The following FNDC3A variants were observed in gnomAD, a reference collection of about 807,000 sequenced individuals.
The protein encoded by FNDC3A is fibronectin type-III domain-containing protein 3A.
Under a neutral mutation model 148.9 loss-of-function variants are expected in FNDC3A, and 32 were observed. The ratio of observed to expected loss-of-function variants is 0.21; its 90% CI spans 0.16 to 0.29. The LOEUF (loss-of-function observed/expected upper bound fraction) is 0.29, where lower values mean the gene tolerates loss of function less well. FNDC3A is among the 10% of genes least tolerant of loss of function. FNDC3A has a pLI of 1.00. For synonymous variants in FNDC3A, 472 were observed against 473.6 expected (o/e 1.00, Z 0.04); for missense variants, 1,191 against 1,452.8 (o/e 0.82, Z 2.93).
At chr13:49,187,033 C>T in intron 15 of FNDC3A, 89 bp from the exon 16 acceptor site, 3 of 863,032 alleles carry the variant, frequency 3.5e-6, no homozygotes, top group Non-Finnish European at 3.6e-6. Flanking sequence ...TTTTTTTAAA[C>T]CTAGTTTGGT....
chr13:49,034,975 A>G (rs1016296217), intron 2 of FNDC3A, among the ~76,000 whole-genome samples: 4 of 152,072 alleles, frequency 2.6e-5, no homozygotes, highest in Non-Finnish European at 5.9e-5. Flanking sequence ...TTTGAATATC[A>G]GTTTTTAAAG....
chr13:49,190,988 G>C, intron 17 of FNDC3A, 27 bp from the exon 18 acceptor site: 1 of 1,543,212 alleles, frequency 6.5e-7, no homozygotes, highest in Non-Finnish European at 8.8e-7. Context: ...GGGCATTTTT[G>C]TTTTCTTTTT....
chr13:49,137,347 T>G (rs1362065769), intron 6 of FNDC3A, among the ~76,000 whole-genome samples: 1 of 151,898 alleles, frequency 6.6e-6, no homozygotes, highest in African/African-American at 2.4e-5. Context: ...TGGTTTTTGT[T>G]TGTTTGTTTG....
intron 2 of FNDC3A, among the ~76,000 whole-genome samples, chr13:49,039,378 A>G (rs561184350): frequency 5.9e-5 from 9 of 152,302 alleles, no homozygotes; most frequent in African/African-American, 1.9e-4. Context: ...CTGTTTGTTT[A>G]GAGGTTCCCG....
At position 49,127,420 on chromosome 13, in the gene FNDC3A, C is replaced by T. The variant is rs74072717; in HGVS notation, c.253-3717C>T. On this transcript the variant is annotated intron_variant, in intron 4 of 25. Coordinates refer to ENST00000492622, the MANE Select transcript of FNDC3A (RefSeq NM_001079673.2). ...CTTACTTTCTCACTTAAACCCACTG[C>T]AGTTGGGCTTTGACCCTATGACTAT... is the stretch of plus-strand genomic sequence containing the variant. 1.4e-3 allele frequency among the ~76,000 whole-genome samples: 212 copies of T among 152,310 alleles called. 1 individual carries two copies. Among genetic ancestry groups the T allele is most frequent in the African/African-American group, 4.7e-3 (197 of 41,564 alleles).
chr13:49,177,394 A>C (rs1885084633), intron 13 of FNDC3A, among the ~76,000 whole-genome samples: 1 of 152,184 alleles, frequency 6.6e-6, no homozygotes, highest in Non-Finnish European at 1.5e-5. Context: ...GTTACACATC[A>C]CTGACATCCT....
chr13:49,009,066 A>G (rs1482573369), intron 2 of FNDC3A, among the ~76,000 whole-genome samples: 1 of 152,188 alleles, frequency 6.6e-6, no homozygotes, highest in Non-Finnish European at 1.5e-5. Flanking sequence ...GTAATGTCAT[A>G]TATCATTACA....
chr13:49,106,773 C>CAAAAAAAAAAAAAAAAAA (rs543962565), intron 3 of FNDC3A, among the ~76,000 whole-genome samples: 11 of 79,854 alleles, frequency 1.4e-4, no homozygotes, highest in African/African-American at 2.6e-4. Flanking sequence ...TGAATGAAAG[C>CAAAAAAAAAAAAAAAAAA]AAAAAAAAAA....
intron 10 of FNDC3A, 87 bp downstream of exon 10, chr13:49,168,838 CAAAG>C: frequency 1.6e-6 from 2 of 1,234,084 alleles, no homozygotes. Context: ...TTGCTGGAGA[CAAAG>C]AGCTTTAATT....
chr13:49,062,744 C>T (rs1455853407), intron 2 of FNDC3A, among the ~76,000 whole-genome samples: 1 of 152,192 alleles, frequency 6.6e-6, no homozygotes, highest in East Asian at 1.9e-4. Context: ...ACTTGTTACA[C>T]TATAAGTTAA....
chr13:49,024,478 A>C (rs1873555416), intron 2 of FNDC3A, among the ~76,000 whole-genome samples: 1 of 152,028 alleles, frequency 6.6e-6, no homozygotes, highest in Non-Finnish European at 1.5e-5. Context: ...AATCCTCAAC[A>C]AAATACTATG....
intron 6 of FNDC3A, among the ~76,000 whole-genome samples, chr13:49,136,907 G>T (rs1349270077): frequency 2.6e-5 from 4 of 151,850 alleles, no homozygotes; most frequent in African/African-American, 9.7e-5. Context: ...TTGAGACAGG[G>T]TCTTGCTTTG....
chr13:49,166,174 T>C (rs1315693641), intron 8 of FNDC3A, among the ~76,000 whole-genome samples: 1 of 152,190 alleles, frequency 6.6e-6, no homozygotes, highest in East Asian at 1.9e-4. Flanking sequence ...GCAACAGCTA[T>C]ATGCAGGCTG....
At position 49,178,712 on chromosome 13, in the gene FNDC3A, T is replaced by C. The variant is rs985854895; in HGVS notation, c.1617+58T>C. 7.4e-6 allele frequency: 7 copies of C among 942,568 alleles called. No homozygotes were observed. The African/African-American group carries it at 1.2e-4, about 16-fold the overall frequency. 58.4% of individuals were successfully genotyped at this position (942,568 alleles called of 1,614,324 possible). On this transcript the variant is annotated intron_variant, in intron 14 of 25. Coordinates refer to ENST00000492622, the MANE Select transcript of FNDC3A (RefSeq NM_001079673.2). ...CTTGTTCCTATTCTTACTGGTGTGG[T>C]GGGGTTCTTTGTTTTCTGTTTGTTT...
At chr13:49,021,316 ACCAACTG>A (rs965233717) in intron 2 of FNDC3A, among the ~76,000 whole-genome samples, 2 of 152,176 alleles carry the variant, frequency 1.3e-5, no homozygotes, top group African/African-American at 4.8e-5. Context: ...GTGATGTTAA[ACCAACTG>A]CCACTGATTG....
intron 8 of FNDC3A, among the ~76,000 whole-genome samples, chr13:49,153,921 G>A (rs1176721857): frequency 7.6e-6 from 1 of 131,992 alleles, no homozygotes; most frequent in African/African-American, 2.9e-5. Context: ...GGTTACTGTA[G>A]CCTTGTAGTA....
At chr13:48,992,168 A>AAGT (rs1367875039) in intron 1 of FNDC3A, among the ~76,000 whole-genome samples, 1 of 152,214 alleles carries the variant, frequency 6.6e-6, no homozygotes, top group Non-Finnish European at 1.5e-5. Flanking sequence ...TCTCAATGGA[A>AAGT]AGTAGAAAGA....
chr13:49,115,181 TGA>T (rs376290572), intron 4 of FNDC3A, among the ~76,000 whole-genome samples: 994 of 90,410 alleles, frequency 0.011, 8 homozygotes, highest in African/African-American at 0.04. Flanking sequence ...CCCTGAGGGA[TGA>T]GGGGGGGGGG....
At position 49,175,447 on chromosome 13, in the gene FNDC3A, G is replaced by C. The variant is rs1183809586; in HGVS notation, c.1436G>C (p.Gly479Ala). 6.2e-7 allele frequency: 1 copy of C among 1,611,846 alleles called. No homozygotes were observed. Residue 479 changes from glycine to alanine, a missense_variant, in exon 13 of 26, where the codon GGA becomes GCA. Transcript: ENST00000492622. ...MPASPVLTKA[G>A]ITWLSLQWSK... is the part of the protein sequence containing the mutation. Reference sequence around the variant, plus strand: ...GCAAGTCCTGTATTAACCAAGGCTGGAATTACTTGGTTATCCTTACAATGG... The same window carrying C: ...GCAAGTCCTGTATTAACCAAGGCTGCAATTACTTGGTTATCCTTACAATGG...
Sources: gnomAD v4.1 joint callset for allele counts (sites outside exome capture counted in the v4.1 genomes callset) on GRCh38, gnomAD v4.1.1 for gene constraint, MANE v1.5 for transcripts, NCBI Gene and HGNC (gene_info 2026-07-23, HGNC 2026-07-21) for gene names.